STARD9: variants seen among roughly 807,000 people sequenced by gnomAD.
STARD9 encodes the protein StAR related lipid transfer domain containing 9.
A neutral mutation model predicts 399.8 loss-of-function variants in STARD9; 346 were observed. The observed-to-expected ratio is 0.87, with a 90% confidence interval of 0.79 to 0.95. STARD9 has a LOEUF of 0.95. STARD9 is among the 40% of genes least tolerant of loss of function. The pLI is 0.00. For synonymous variants in STARD9, 2,203 were observed against 2,143.5 expected (o/e 1.03, Z -0.77); for missense variants, 5,832 against 5,667.5 (o/e 1.03, Z -0.93).
chr15:42,690,126 A>C lies in STARD9; in HGVS notation c.8548A>C (p.Ser2850Arg). ...ASTGFEEGRA[S>R]PKQDTILPGA... is the part of the protein sequence containing the mutation. ...TACTGGCTTTGAAGAAGGTAGGGCA[A>C]GTCCCAAACAAGATACCATTCTGCC... Residue 2850 changes from serine (S) to arginine (R), a missense_variant, in exon 23 of 33, where the codon AGT becomes CGT. By Grantham distance (110) the Ser-to-Arg change is moderately radical. Transcript: ENST00000290607. The C allele has an allele frequency of 6.5e-7, 1 of 1,537,836 alleles. No homozygotes were observed. Among genetic ancestry groups the C allele is most frequent in the Non-Finnish European group, 8.7e-7 (1 of 1,147,052 alleles).
intron 20 of STARD9, among the ~76,000 whole-genome samples, chr15:42,677,089 T>TTA (rs1404810558): frequency 1.9e-5 from 1 of 53,590 alleles, no homozygotes; most frequent in African/African-American, 8.7e-5. Flanking sequence ...CGTCTCTACT[T>TTA]AAAAAAAAAA....
At chr15:42,640,207 C>T (rs906014972) in intron 7 of STARD9, among the ~76,000 whole-genome samples, 5 of 152,148 alleles carry the variant, frequency 3.3e-5, no homozygotes, top group South Asian at 2.1e-4. Flanking sequence ...TGTGAGCCAG[C>T]GTGCTTGGCT....
At chr15:42,589,119 A>G (rs955023154) in intron 3 of STARD9, among the ~76,000 whole-genome samples, 1 of 152,060 alleles carries the variant, frequency 6.6e-6, no homozygotes, top group Non-Finnish European at 1.5e-5. Context: ...CCAGCTCTCC[A>G]CAGCATTAGT....
Position 42,575,637 on chromosome 15 carries a change from G to T in STARD9, c.-79G>T. ...GCGTGGGGCGGGCGGGGCTGGGTTG[G>T]GGCTGTGTCTGGGCTTAGGGCGGGG... On this transcript the variant is annotated 5_prime_UTR_variant, in exon 1 of 33. Coordinates refer to ENST00000290607, the MANE Select transcript of STARD9 (RefSeq NM_020759.3). 5.4e-6 allele frequency: 8 copies of T among 1,473,648 alleles called. No homozygotes were observed. Among genetic ancestry groups the T allele is most frequent in the Non-Finnish European group, 7.3e-6 (8 of 1,092,152 alleles). The allele number at this position is 1,473,648 out of a possible 1,614,324, so 91.3% of individuals were successfully genotyped here. A position where few individuals can be genotyped will look rare whatever the true frequency, so the allele number is the denominator to read the frequency against.
Position 42,684,503 on chromosome 15 carries a change from A to G in STARD9, c.2925A>G (p.Arg975=), listed in dbSNP as rs1244850510. 1 of 1,537,160 alleles carries G rather than the reference A, an allele frequency of 6.5e-7. No individual in the cohort carries two copies. Among genetic ancestry groups the G allele is most frequent in the Non-Finnish European group, 8.7e-7 (1 of 1,146,868 alleles). ...TCTTCACCTCTACTACCCAGACCAG[A>G]GGGGCGAAGGGACTAGCAGACCCTA... ...PKIFTSTTQT[R]GAKGLADPSH... The change falls in exon 23 of 33, where the codon AGA becomes AGG. Residue 975 remains arginine (R), a synonymous_variant. Coordinates refer to ENST00000290607, the MANE Select transcript of STARD9 (RefSeq NM_020759.3).
intron 28 of STARD9, 93 bp downstream of exon 28, chr15:42,717,141 TGAG>T: frequency 7.1e-7 from 1 of 1,411,210 alleles, no homozygotes; most frequent in Non-Finnish European, 9.6e-7. Context: ...GCTGGGCAGA[TGAG>T]GAGCCCAAGG....
At position 42,689,802 on chromosome 15, in the gene STARD9, G is replaced by T. The variant is rs2060647279; in HGVS notation, c.8224G>T (p.Ala2742Ser). The change falls in exon 23 of 33, where the codon GCT becomes TCT. Residue 2742 changes from alanine (A) to serine (S), a missense_variant. By Grantham distance (99) the Ala-to-Ser change is moderately conservative. Transcript: ENST00000290607. ...VRRVVSKKVV[A>S]ALPSQAPYDD... ...GAGGGTAGTATCAAAGAAGGTAGTG[G>T]CTGCCTTACCTTCTCAGGCCCCTTA... 1 of 1,537,250 alleles carries T rather than the reference G, an allele frequency of 6.5e-7. No individual in the cohort carries two copies. The highest frequency in any genetic ancestry group is 8.7e-7 in the Non-Finnish European group (1 of 1,146,878).
intron 7 of STARD9, among the ~76,000 whole-genome samples, chr15:42,649,851 C>T (rs2059722573): frequency 1.3e-5 from 2 of 150,264 alleles, no homozygotes; most frequent in South Asian, 4.2e-4. Context: ...GCATGAGGCA[C>T]CGAGCCTGGC....
intron 3 of STARD9, among the ~76,000 whole-genome samples, chr15:42,626,468 CTCCTCTTCA>C (rs2059225152): frequency 1.3e-5 from 2 of 149,784 alleles, no homozygotes; most frequent in South Asian, 4.2e-4. Context: ...TCTCCTCTTC[CTCCTCTTCA>C]TCCTCTTCCT....
At chr15:42,592,931 G>T (rs1031391518) in intron 3 of STARD9, among the ~76,000 whole-genome samples, 1 of 152,248 alleles carries the variant, frequency 6.6e-6, no homozygotes, top group Non-Finnish European at 1.5e-5. Flanking sequence ...TCAGTTATTG[G>T]CTAGCTTACT....
chr15:42,686,905 C>G lies in STARD9; in HGVS notation c.5327C>G (p.Pro1776Arg), dbSNP rs764918246. The change falls in exon 23 of 33, where the codon CCC (proline) becomes CGC (arginine). Residue 1776 changes from proline to arginine, a missense_variant. Around this residue, in one of 2 missense-constraint regions of STARD9, gnomAD observed 5,828 missense variants for 5,651.1 expected, o/e 1.03. Coordinates refer to ENST00000290607, the MANE Select transcript of STARD9 (RefSeq NM_020759.3). ...GAAGTAAGGGTACCCTCCCCACCCC[C>G]CAGGGAAGCCTGGGGCTTTGGTCAC... ...CREVRVPSPP[P>R]REAWGFGHNH... The G allele has an allele frequency of 1.2e-5, 18 of 1,536,710 alleles. No individual in the cohort carries two copies. In the Admixed American group the frequency reaches 1.2e-4, roughly 10 times the overall value.
rs1402751539 is a variant in STARD9, at chr15:42,692,563, A to G, written c.10985A>G (p.Glu3662Gly). 6.5e-7 allele frequency: 1 copy of G among 1,537,204 alleles called. No homozygotes were observed. Among genetic ancestry groups the G allele is most frequent in the Non-Finnish European group, 8.7e-7 (1 of 1,146,902 alleles). ...ACTGACATCTCCTTTGCTCAGCCTG[A>G]AGCCAGTGCAGTATCAGCCTTTGAT... ...SSTDISFAQPEASAVSAFDLA... is the reference protein window; with the variant it reads ...SSTDISFAQPGASAVSAFDLA... Residue 3662 changes from glutamate (E) to glycine (G), a missense_variant, in exon 23 of 33, where the codon GAA becomes GGA. Around this residue, in one of 2 missense-constraint regions of STARD9, gnomAD observed 5,828 missense variants for 5,651.1 expected, o/e 1.03. Coordinates refer to ENST00000290607, the MANE Select transcript of STARD9 (RefSeq NM_020759.3).
In STARD9 at chr15:42,681,546, G is replaced by A. The variant is rs1483666352; in HGVS notation, c.1999G>A (p.Glu667Lys). 6.5e-7 allele frequency: 1 copy of A among 1,537,100 alleles called. No individual in the cohort carries two copies. The highest frequency in any genetic ancestry group is 1.4e-5 in the African/African-American group (1 of 73,042). The change falls in exon 21 of 33, where the codon GAA becomes AAA. Residue 667 changes from glutamate (E) to lysine (K), a missense_variant. Around this residue, in one of 2 missense-constraint regions of STARD9, gnomAD observed 5,828 missense variants for 5,651.1 expected, o/e 1.03. Coordinates refer to ENST00000290607, the MANE Select transcript of STARD9 (RefSeq NM_020759.3). ...VEDLRHQILAEEIRAAKELEF... is the reference protein window; with the variant it reads ...VEDLRHQILAKEIRAAKELEF... The stretch of plus-strand genomic sequence containing the variant: ...GGATTTGAGGCATCAAATCCTAGCA[G>A]AAGAGATTCGAGCTGCGAAGGAACT...
At chr15:42,649,091 G>A (rs1171060707) in intron 7 of STARD9, among the ~76,000 whole-genome samples, 6 of 151,850 alleles carry the variant, frequency 4.0e-5, no homozygotes, top group African/African-American at 9.7e-5. Context: ...GTGCAATGGC[G>A]CAATCTCAGC....
Position 42,634,980 on chromosome 15 carries a change from T to C in STARD9, c.351+8T>C, listed in dbSNP as rs1202888025. The C allele has an allele frequency of 6.8e-7, 1 of 1,461,590 alleles. No individual in the cohort carries two copies. Among genetic ancestry groups the C allele is most frequent in the Admixed American group, 2.0e-5 (1 of 49,710 alleles). The allele number at this position is 1,461,590 out of a possible 1,614,324, so 90.5% of individuals were successfully genotyped here. A position where few individuals can be genotyped will look rare whatever the true frequency, so the allele number is the denominator to read the frequency against. On this transcript the variant is annotated splice_region_variant and intron_variant, in intron 4 of 32. Coordinates refer to ENST00000290607, the MANE Select transcript of STARD9 (RefSeq NM_020759.3). ...ACCATGCTGGGGACCCCAGTGAGTATTACAATGATATATATTCCTAATGCC... is the reference window on the plus strand; with the variant it reads ...ACCATGCTGGGGACCCCAGTGAGTACTACAATGATATATATTCCTAATGCC...
Position 42,682,235 on chromosome 15 carries a change from A to T in STARD9, c.2197A>T (p.Ile733Phe). 1 of 1,537,254 alleles carries T rather than the reference A, an allele frequency of 6.5e-7. No individual in the cohort carries two copies. The highest frequency in any genetic ancestry group is 8.7e-7 in the Non-Finnish European group (1 of 1,146,890). ...LDAWLQTDPE[I>F]QPSPFVQSQK... The stretch of plus-strand genomic sequence containing the variant: ...TGCTTGGCTTCAGACAGATCCTGAG[A>T]TTCAGCCATCCCCATTTGTCCAAAG... Residue 733 changes from isoleucine to phenylalanine, a missense_variant, in exon 22 of 33, where the codon ATT (isoleucine) becomes TTT (phenylalanine). Ile to Phe is a conservative substitution (Grantham distance 21). Around this residue, in one of 2 missense-constraint regions of STARD9, gnomAD observed 5,828 missense variants for 5,651.1 expected, o/e 1.03. Transcript: ENST00000290607.
chr15:42,718,567 G>T (rs193228085), intron 31 of STARD9, 53 bp downstream of exon 31: 35 of 1,507,224 alleles, frequency 2.3e-5, no homozygotes, highest in Non-Finnish European at 3.1e-5. Context: ...CTGAAGTGTC[G>T]TGAGAAACAA....
Position 42,687,896 on chromosome 15 carries a change from C to T in STARD9, c.6318C>T (p.Asn2106=). The T allele has an allele frequency of 6.5e-7, 1 of 1,537,232 alleles. No homozygotes were observed. The change falls in exon 23 of 33, where the codon AAC becomes AAT. Residue 2106 remains asparagine, a synonymous_variant. Coordinates refer to ENST00000290607, the MANE Select transcript of STARD9 (RefSeq NM_020759.3). ...DHAFRPDSSG[N]PLPSKDQPSS... Reference sequence around the variant, plus strand: ...CCTTTAGGCCAGACAGCTCTGGAAACCCTTTGCCCTCTAAGGATCAGCCAT... The same window carrying T: ...CCTTTAGGCCAGACAGCTCTGGAAATCCTTTGCCCTCTAAGGATCAGCCAT...
At chr15:42,665,414 G>C in intron 14 of STARD9, 84 bp downstream of exon 14, 7 of 1,080,534 alleles carry the variant, frequency 6.5e-6, no homozygotes, top group Non-Finnish European at 9.5e-6. Context: ...TCTGGGCCCT[G>C]CTGCATTCTA....
Sources: allele counts gnomAD v4.1 joint callset (sites outside exome capture counted in the v4.1 genomes callset), GRCh38; gene constraint gnomAD v4.1.1; regional missense constraint gnomAD v4.1.1; transcripts MANE v1.5; gene names NCBI Gene and HGNC (gene_info 2026-07-23, HGNC 2026-07-21).